MRPS16: variants seen among roughly 807,000 people sequenced by gnomAD.
MRPS16 encodes the protein small ribosomal subunit protein bS16m.
In MRPS16, 5 loss-of-function variants were observed where a neutral mutation model predicts 11.0. That is an observed-to-expected ratio of 0.46 (90% CI 0.24 to 0.96). The LOEUF (loss-of-function observed/expected upper bound fraction) is 0.96. MRPS16 is among the 40% of genes least tolerant of loss of function. The probability of loss-of-function intolerance (pLI) is 0.20; values close to 1 mark genes in which losing one functional copy is unlikely to be tolerated. For synonymous variants in MRPS16, 76 were observed against 65.0 expected (o/e 1.17, Z -0.81); for missense variants, 179 against 174.4 (o/e 1.03, Z -0.15).
intron 2 of MRPS16, 130 bp downstream of exon 2, chr10:73,251,633 G>T: frequency 7.6e-7 from 1 of 1,313,788 alleles, no homozygotes; most frequent in Non-Finnish European, 1.1e-6. Context: ...CGCCCGCCTC[G>T]GCCTCCCAAA....
At position 73,249,414 on chromosome 10, in the gene MRPS16, G is replaced by A; in HGVS notation, c.*1438C>T. The A allele has an allele frequency of 2.4e-6, 3 of 1,232,042 alleles. No homozygotes were observed. Among genetic ancestry groups the A allele is most frequent in the Non-Finnish European group, 3.4e-6 (3 of 878,268 alleles). 76.3% of individuals were successfully genotyped at this position (1,232,042 alleles called of 1,614,324 possible). On this transcript the variant is annotated 3_prime_UTR_variant, in exon 3 of 3. Coordinates refer to ENST00000372945, the MANE Select transcript of MRPS16 (RefSeq NM_016065.4). ...CTATAAAGATCCCTTATAGATTACT[G>A]GCATCAAGGTAGGAAGGAAAAGATA...
intron 1 of MRPS16, 200 bp from the exon 2 acceptor site, chr10:73,252,223 C>G (rs555998219): frequency 2.0e-6 from 2 of 1,020,324 alleles, no homozygotes; most frequent in Admixed American, 2.1e-5. Flanking sequence ...CCCAAACCCA[C>G]CCCGCATGGG....
Position 73,252,499 on chromosome 10 carries a change from G to C in MRPS16, c.-17C>G. The C allele has an allele frequency of 6.2e-7, 1 of 1,606,834 alleles. No homozygotes were observed. The highest frequency in any genetic ancestry group is 1.3e-5 in the African/African-American group (1 of 75,018). On this transcript the variant is annotated 5_prime_UTR_variant, in exon 1 of 3. Transcript: ENST00000372945. Reference sequence around the variant, plus strand: ...GTGGACCATGGTGCCGCCGGCGTGCGGCTCCTCGGAGAGCCCCGCTACCCG... The same window carrying C: ...GTGGACCATGGTGCCGCCGGCGTGCCGCTCCTCGGAGAGCCCCGCTACCCG...
At position 73,249,410 on chromosome 10, in the gene MRPS16, T is replaced by G. The variant is rs976305218; in HGVS notation, c.*1442A>C. The G allele has an allele frequency of 9.4e-6, 12 of 1,275,634 alleles. No homozygotes were observed. Among genetic ancestry groups the G allele is most frequent in the Non-Finnish European group, 1.3e-5 (12 of 915,726 alleles). The allele number at this position is 1,275,634 out of a possible 1,614,324, so 79.0% of individuals were successfully genotyped here. ...CAAACTATAAAGATCCCTTATAGATTACTGGCATCAAGGTAGGAAGGAAAA... is the reference window on the plus strand; with the variant it reads ...CAAACTATAAAGATCCCTTATAGATGACTGGCATCAAGGTAGGAAGGAAAA... On this transcript the variant is annotated 3_prime_UTR_variant, in exon 3 of 3. Transcript: ENST00000372945.
chr10:73,252,399 C>G (rs2044129995), intron 1 of MRPS16, 71 bp downstream of exon 1: 1 of 1,601,930 alleles, frequency 6.2e-7, no homozygotes, highest in African/African-American at 1.3e-5. Flanking sequence ...TGGGAGAGCT[C>G]TCCCCACCCG....
Position 73,250,867 on chromosome 10 carries a change from C to T in MRPS16, c.399G>A (p.Glu133=), listed in dbSNP as rs1211336004. The T allele has an allele frequency of 6.2e-7, 1 of 1,613,952 alleles. No individual in the cohort carries two copies. The highest frequency in any genetic ancestry group is 1.7e-5 in the Admixed American group (1 of 60,010). The change falls in exon 3 of 3, where the codon GAG becomes GAA. Residue 133 remains glutamate (E), a synonymous_variant. Transcript: ENST00000372945. ...QKTDAEATDT[E]ATET is the part of the protein sequence containing the mutation. The stretch of plus-strand genomic sequence containing the variant: ...GTCAGCTCATTTATGTTTCTGTAGC[C>T]TCTGTATCTGTAGCTTCTGCATCTG...
rs372994100 is a variant in MRPS16, at chr10:73,251,735, C to T, written c.274+28G>A. ...AGCTGACTTCAGTTTAAAATCCCCT[C>T]AATAAGGTAAGACCAGAGCTGAGTT... On this transcript the variant is annotated intron_variant, in intron 2 of 2. Transcript: ENST00000372945. The T allele has an allele frequency of 5.2e-5, 84 of 1,613,890 alleles. No homozygotes were observed. The Middle Eastern group carries it at 6.6e-4, about 13-fold the overall frequency.
At position 73,250,925 on chromosome 10, in the gene MRPS16, C is replaced by A; in HGVS notation, c.341G>T (p.Arg114Leu). 1 of 1,614,146 alleles carries A rather than the reference C, an allele frequency of 6.2e-7. No individual in the cohort carries two copies. The highest frequency in any genetic ancestry group is 8.5e-7 in the Non-Finnish European group (1 of 1,180,008). ...AGAAGCTAACAGGACTTCACGTGCC[C>A]GTTTCCTTCGCAGTCTCTCAGCATT... ...ITNAERLRRK[R>L]AREVLLASQK... The change falls in exon 3 of 3, where the codon CGG (arginine) becomes CTG (leucine). Residue 114 changes from arginine to leucine, a missense_variant. Physicochemically the swap from Arg to Leu is moderately radical, Grantham distance 102 (BLOSUM62 -2). Transcript: ENST00000372945.
In MRPS16 at chr10:73,250,451, A is replaced by T. The variant is rs939948341; in HGVS notation, c.*401T>A. On this transcript the variant is annotated 3_prime_UTR_variant, in exon 3 of 3. Coordinates refer to ENST00000372945, the MANE Select transcript of MRPS16 (RefSeq NM_016065.4). ...TATAAACCTCCAATTACAAAAATCAATTAAGAAAGGTTAACTGTTCTTGCA... is the reference window on the plus strand; with the variant it reads ...TATAAACCTCCAATTACAAAAATCATTTAAGAAAGGTTAACTGTTCTTGCA... 1 of 233,738 alleles carries T rather than the reference A, an allele frequency of 4.3e-6. No homozygotes were observed. The highest frequency in any genetic ancestry group is 8.6e-6 in the Non-Finnish European group (1 of 116,574). The allele number at this position is 233,738 out of a possible 1,614,324, so 14.5% of individuals were successfully genotyped here.
In MRPS16 at chr10:73,248,980, A is replaced by C; in HGVS notation, c.*1872T>G. ...GTCACCCAGGCTGGACTGTAGTGGA[A>C]CAATCACAGTTCACTGCAGCATCGG... On this transcript the variant is annotated 3_prime_UTR_variant, in exon 3 of 3. Coordinates refer to ENST00000372945, the MANE Select transcript of MRPS16 (RefSeq NM_016065.4). The C allele has an allele frequency of 3.5e-6, 2 of 566,922 alleles. No homozygotes were observed. The highest frequency in any genetic ancestry group is 6.9e-6 in the Non-Finnish European group (2 of 291,238). The allele number at this position is 566,922 out of a possible 1,614,324, so 35.1% of individuals were successfully genotyped here. A position where few individuals can be genotyped will look rare whatever the true frequency, so the allele number is the denominator to read the frequency against.
rs2133444296 is a variant in MRPS16, at chr10:73,252,093, T to C, written c.14-70A>G. ...GGACAAAATGACACAGACGGCACAA[T>C]TCCCTTTTCCCACTGAAATGTCTCA... On this transcript the variant is annotated intron_variant, in intron 1 of 2. Coordinates refer to ENST00000372945, the MANE Select transcript of MRPS16 (RefSeq NM_016065.4). 12 of 1,548,810 alleles carry C rather than the reference T, an allele frequency of 7.7e-6. No individual in the cohort carries two copies. The Middle Eastern group carries it at 6.7e-4, about 86-fold the overall frequency.
rs757390191 is a variant in MRPS16, at chr10:73,251,836, G to A, written c.201C>T (p.Ala67=). The stretch of plus-strand genomic sequence containing the variant: ...AATGACGGATCCTGTCTAGGTTGAG[G>A]GCAACGAGTTTTTCTCCATGACTGT... ...LPNSHGEKLV[A]LNLDRIRHWI... Residue 67 remains alanine (A), a synonymous_variant, in exon 2 of 3, where the codon GCC becomes GCT. Transcript: ENST00000372945. 1 of 1,614,194 alleles carries A rather than the reference G, an allele frequency of 6.2e-7. No homozygotes were observed. Among genetic ancestry groups the A allele is most frequent in the Admixed American group, 1.7e-5 (1 of 60,024 alleles).
rs1216010457 is a variant in MRPS16, at chr10:73,249,109, G to A, written c.*1743C>T. The A allele has an allele frequency of 8.0e-6, 5 of 624,046 alleles. No individual in the cohort carries two copies. The highest frequency in any genetic ancestry group is 1.9e-5 in the African/African-American group (1 of 53,868). The allele number at this position is 624,046 out of a possible 1,614,324, so 38.7% of individuals were successfully genotyped here. A position where few individuals can be genotyped will look rare whatever the true frequency, so the allele number is the denominator to read the frequency against. Reference sequence around the variant, plus strand: ...AATTTTTTAAGTTTTTGTAGAGACGGGGTCTTGCTGTGTTGCACAGGCTGG... The same window carrying A: ...AATTTTTTAAGTTTTTGTAGAGACGAGGTCTTGCTGTGTTGCACAGGCTGG... On this transcript the variant is annotated 3_prime_UTR_variant, in exon 3 of 3. Coordinates refer to ENST00000372945, the MANE Select transcript of MRPS16 (RefSeq NM_016065.4).
At chr10:73,252,422 C>T (rs375981670) in intron 1 of MRPS16, 48 bp downstream of exon 1, 40 of 1,608,044 alleles carry the variant, frequency 2.5e-5, no homozygotes, top group Non-Finnish European at 3.1e-5. Context: ...CCCGAACTCC[C>T]GAGCCCCGTG....
At chr10:73,252,274 G>C in intron 1 of MRPS16, 196 bp downstream of exon 1, 1 of 1,067,308 alleles carries the variant, frequency 9.4e-7, no homozygotes, top group South Asian at 1.4e-5. Flanking sequence ...CGGAGCCTTA[G>C]CTGCTTCAAT....
At position 73,252,503 on chromosome 10, in the gene MRPS16, C is replaced by A. The variant is rs757774630; in HGVS notation, c.-21G>T. ...ACCATGGTGCCGCCGGCGTGCGGCT[C>A]CTCGGAGAGCCCCGCTACCCGCACG... On this transcript the variant is annotated 5_prime_UTR_variant, in exon 1 of 3. Transcript: ENST00000372945. 16 of 1,606,262 alleles carry A rather than the reference C, an allele frequency of 1.0e-5. No homozygotes were observed. The highest frequency in any genetic ancestry group is 1.4e-5 in the Non-Finnish European group (16 of 1,179,594).
At position 73,248,943 on chromosome 10, in the gene MRPS16, T is replaced by A. The variant is rs750746764; in HGVS notation, c.*1909A>T. The A allele has an allele frequency of 4.0e-6, 2 of 503,966 alleles. No homozygotes were observed. The highest frequency in any genetic ancestry group is 3.2e-5 in the South Asian group (2 of 62,640). 31.2% of individuals were successfully genotyped at this position (503,966 alleles called of 1,614,324 possible). On this transcript the variant is annotated 3_prime_UTR_variant, in exon 3 of 3. Transcript: ENST00000372945. ...TAGCCAAATTATGTAATGTTTTCTT[T>A]TTCTTTTCTCTGTCACCCAGGCTGG... is the stretch of plus-strand genomic sequence containing the variant.
chr10:73,250,313 G>C lies in MRPS16; in HGVS notation c.*539C>G, dbSNP rs1272716225. On this transcript the variant is annotated 3_prime_UTR_variant, in exon 3 of 3. Transcript: ENST00000372945. ...AGGCAGGAGAACCTCTTGAACCCAGGAGGTGGAGATTGCAGTGAGCTGAGA... is the reference window on the plus strand; with the variant it reads ...AGGCAGGAGAACCTCTTGAACCCAGCAGGTGGAGATTGCAGTGAGCTGAGA... 6.4e-6 allele frequency: 1 copy of C among 156,332 alleles called. No homozygotes were observed. Among genetic ancestry groups the C allele is most frequent in the Non-Finnish European group, 1.4e-5 (1 of 71,132 alleles). The allele number at this position is 156,332 out of a possible 1,614,324, so 9.7% of individuals were successfully genotyped here. A position where few individuals can be genotyped will look rare whatever the true frequency, so the allele number is the denominator to read the frequency against.
Position 73,249,197 on chromosome 10 carries a change from T to C in MRPS16, c.*1655A>G, listed in dbSNP as rs1054858. 3 of 1,266,304 alleles carry C rather than the reference T, an allele frequency of 2.4e-6. No homozygotes were observed. The highest frequency in any genetic ancestry group is 2.6e-5 in the South Asian group (2 of 75,652). The allele number at this position is 1,266,304 out of a possible 1,614,324, so 78.4% of individuals were successfully genotyped here. ...CCTCCCAAAGTGCTGAGATTACAGG[T>C]GTGAGCCACTGCCCCAATGGTATCT... On this transcript the variant is annotated 3_prime_UTR_variant, in exon 3 of 3. Coordinates refer to ENST00000372945, the MANE Select transcript of MRPS16 (RefSeq NM_016065.4).
Sources: gnomAD v4.1 joint callset for allele counts on GRCh38, gnomAD v4.1.1 for gene constraint, MANE v1.5 for transcripts, NCBI Gene and HGNC (gene_info 2026-07-23, HGNC 2026-07-21) for gene names.